The following RBFOX3 variants were observed in gnomAD, a reference collection of about 807,000 sequenced individuals.
RBFOX3 encodes RNA binding protein fox-1 homolog 3.
RBFOX3 carries 17 observed loss-of-function variants against 48.7 expected under a neutral mutation model. The observed-to-expected ratio is 0.35, with a 90% CI of 0.24 to 0.52. The LOEUF is 0.52. Among genes scored for constraint, RBFOX3 ranks in the 20% least tolerant of loss-of-function variants. The pLI is 0.94. For synonymous variants in RBFOX3, 212 were observed against 209.5 expected, an observed-to-expected ratio of 1.01 and a Z score of -0.10; for missense variants, 382 against 497.5, an observed-to-expected ratio of 0.77 and a Z score of 2.21.
intron 2 of RBFOX3, among the ~76,000 whole-genome samples, chr17:79,374,355 G>A (rs56077506): frequency 0.12 from 18,739 of 152,216 alleles, 1,593 homozygotes; most frequent in Non-Finnish European, 0.19. Flanking sequence ...GTGGTGGTGC[G>A]GGGGCAGGCT....
chr17:79,581,043 C>T (rs950958082), intron 1 of RBFOX3, among the ~76,000 whole-genome samples: 9 of 152,088 alleles, frequency 5.9e-5, no homozygotes, highest in Non-Finnish European at 1.2e-4. Flanking sequence ...GTCAGGAGAT[C>T]GAGACCTTCC....
chr17:79,143,003 C>A (rs1441859574), intron 4 of RBFOX3, among the ~76,000 whole-genome samples: 1 of 152,096 alleles, frequency 6.6e-6, no homozygotes, highest in Non-Finnish European at 1.5e-5. Context: ...CAGGGACATC[C>A]TGGTGCACGG....
In RBFOX3 at chr17:79,103,246, C is replaced by A. The variant is rs775993784; in HGVS notation, c.423G>T (p.Gly141=). The change falls in exon 8 of 15, where the codon GGG becomes GGT. Residue 141 remains glycine, a synonymous_variant. Coordinates refer to ENST00000693108, the MANE Select transcript of RBFOX3 (RefSeq NM_001350451.2). This position sits in a 1 kb window ranked among gnomAD's most constrained non-coding sequence, Gnocchi z 6.1. ...IFNERGSKGF[G]FVTFETSSDA... is the part of the protein sequence containing the mutation. ...CTGAGCTAGTTTCAAAAGTTACAAA[C>A]CCAAAACCCTGTGAGCAGAGGAGAG... 2 of 1,551,052 alleles carry A rather than the reference C, an allele frequency of 1.3e-6. No homozygotes were observed. The highest frequency in any genetic ancestry group is 2.4e-5 in the East Asian group (1 of 40,898).
At chr17:79,174,698 GCACACA>G (rs934206140) in intron 4 of RBFOX3, among the ~76,000 whole-genome samples, 1 of 150,452 alleles carries the variant, frequency 6.6e-6, no homozygotes, top group Non-Finnish European at 1.5e-5. Flanking sequence ...ACATGCACTT[GCACACA>G]CACAGACACA....
At chr17:79,544,993 A>AG (rs1491447926) in intron 1 of RBFOX3, among the ~76,000 whole-genome samples, 2,789 of 149,890 alleles carry the variant, frequency 0.019, 81 homozygotes, top group African/African-American at 0.066. Context: ...AAAAAAAAAA[A>AG]AGAGAAAGAA....
intron 4 of RBFOX3, among the ~76,000 whole-genome samples, chr17:79,177,305 G>C (rs2050785709): frequency 6.6e-6 from 1 of 152,238 alleles, no homozygotes; most frequent in African/African-American, 2.4e-5. Flanking sequence ...AGACAGAAGG[G>C]CACGTGGGCT....
the RBFOX3 span, among the ~76,000 whole-genome samples, chr17:79,657,958 TC>T: frequency 1.3e-5 from 2 of 151,460 alleles, no homozygotes; most frequent in African/African-American, 4.9e-5. Flanking sequence ...CAGGACAGAG[TC>T]CCTCAAGACG....
rs1445079354 is a variant in RBFOX3, at chr17:79,515,469, C to T, written c.-319-32871G>A. ...TCCCCTTCCCTGAGACTTGCAGGAGCTCATCGACAGGGTTACAAGAGAACC... is the reference window on the plus strand; with the variant it reads ...TCCCCTTCCCTGAGACTTGCAGGAGTTCATCGACAGGGTTACAAGAGAACC... On this transcript the variant is annotated intron_variant, in intron 1 of 14. Coordinates refer to ENST00000693108, the MANE Select transcript of RBFOX3 (RefSeq NM_001350451.2). 2.6e-5 allele frequency among the ~76,000 whole-genome samples: 4 copies of T among 152,312 alleles called. No individual in the cohort carries two copies. In the East Asian group the frequency reaches 7.7e-4, roughly 29 times the overall value.
At chr17:79,368,069 T>C (rs1260614301) in intron 2 of RBFOX3, among the ~76,000 whole-genome samples, 1 of 152,228 alleles carries the variant, frequency 6.6e-6, no homozygotes, top group African/African-American at 2.4e-5. Flanking sequence ...TTTCATTTCC[T>C]GCTAATGAGA....
intron 3 of RBFOX3, among the ~76,000 whole-genome samples, chr17:79,244,125 A>C (rs1283088581): frequency 2.0e-5 from 3 of 152,172 alleles, no homozygotes; most frequent in Non-Finnish European, 4.4e-5. Flanking sequence ...GGTTCTTTGC[A>C]AATGTAATTA....
chr17:79,516,676 C>T (rs1358867489), intron 1 of RBFOX3, among the ~76,000 whole-genome samples: 3 of 152,196 alleles, frequency 2.0e-5, no homozygotes, highest in Admixed American at 1.3e-4. Flanking sequence ...CTAGGAGCAG[C>T]GAGATGGAGC....
At chr17:79,440,158 A>G (rs1401558246) in intron 2 of RBFOX3, among the ~76,000 whole-genome samples, 1 of 152,130 alleles carries the variant, frequency 6.6e-6, no homozygotes, top group African/African-American at 2.4e-5. Context: ...GCCTTACCGA[A>G]CAGAGATAAA....
rs114445678 is a variant in RBFOX3, at chr17:79,110,650, G to A, written c.223-3862C>T. On this transcript the variant is annotated intron_variant, in intron 5 of 14. Coordinates refer to ENST00000693108, the MANE Select transcript of RBFOX3 (RefSeq NM_001350451.2). ...GCAGCCAGTCAGCCTTGGAGGAGGG[G>A]TTCTCTGCGTGTGGTCTCAACCTAT... Among the ~76,000 whole-genome samples the A allele has an allele frequency of 5.4e-3, 827 of 152,372 alleles. 4 individuals carry two copies. The highest frequency in any genetic ancestry group is 0.019 in the African/African-American group (790 of 41,596).
intron 14 of RBFOX3, chr17:79,091,917 C>T (rs1365249922): frequency 2.1e-6 from 2 of 973,314 alleles, no homozygotes; most frequent in Non-Finnish European, 2.4e-6. Flanking sequence ...GCACACCACG[C>T]GACACGCTTG....
At chr17:79,268,493 G>C (rs2067117537) in intron 3 of RBFOX3, among the ~76,000 whole-genome samples, 1 of 152,122 alleles carries the variant, frequency 6.6e-6, no homozygotes, top group African/African-American at 2.4e-5. Flanking sequence ...TCCCGCTGCG[G>C]GTGGGGACGT....
intron 1 of RBFOX3, among the ~76,000 whole-genome samples, chr17:79,483,866 C>T (rs1598891403): frequency 1.3e-5 from 2 of 152,162 alleles, no homozygotes; most frequent in African/African-American, 4.8e-5. Context: ...CACGATCACA[C>T]CGGAGAGCAG....
chr17:79,620,603 GCACA>G, the RBFOX3 span, among the ~76,000 whole-genome samples: 2 of 116,326 alleles, frequency 1.7e-5, no homozygotes, highest in African/African-American at 3.3e-5. Flanking sequence ...ACGCACGCAC[GCACA>G]CATGCACACA....
chr17:79,170,169 A>AAGGAAGGGAGGAGGAAGGAGGG, intron 4 of RBFOX3, among the ~76,000 whole-genome samples: 1 of 147,876 alleles, frequency 6.8e-6, no homozygotes, highest in African/African-American at 2.5e-5. Flanking sequence ...AGGAAGGAGG[A>AAGGAAGGGAGGAGGAAGGAGGG]AGGAAGGGGA....
chr17:79,274,076 C>T (rs922840082), intron 3 of RBFOX3, among the ~76,000 whole-genome samples: 23 of 152,322 alleles, frequency 1.5e-4, no homozygotes, highest in Middle Eastern at 3.4e-3. Context: ...ACGCTGACCC[C>T]ATGCATACAG....
Sources: allele counts gnomAD v4.1 joint callset (sites outside exome capture counted in the v4.1 genomes callset), GRCh38; gene constraint gnomAD v4.1.1; non-coding constraint Gnocchi (gnomAD v3.1); transcripts MANE v1.5; gene names NCBI Gene and HGNC (gene_info 2026-07-23, HGNC 2026-07-21).